AGPS: variants seen among roughly 807,000 people sequenced by gnomAD.
The protein encoded by AGPS is alkyldihydroxyacetonephosphate synthase, peroxisomal.
Under a neutral mutation model 90.7 loss-of-function variants are expected in AGPS, and 26 were observed. The observed-to-expected ratio is 0.29, with a 90% CI of 0.21 to 0.40. The LOEUF is 0.40. Among genes scored for constraint, AGPS ranks in the 10% least tolerant of loss-of-function variants. The pLI is 1.00. For missense variants in AGPS, 540 were observed against 816.1 expected, an observed-to-expected ratio of 0.66 and a Z score of 4.12; for synonymous variants, 294 against 285.3, an observed-to-expected ratio of 1.03 and a Z score of -0.31.
chr2:177,481,168 G>A (rs535550390), intron 10 of AGPS, among the ~76,000 whole-genome samples: 1 of 152,106 alleles, frequency 6.6e-6, no homozygotes, highest in South Asian at 2.1e-4. Context: ...GCAGTTTCAA[G>A]GATTTCTCCC....
At chr2:177,405,712 A>G (rs961206609) in intron 1 of AGPS, among the ~76,000 whole-genome samples, 2 of 135,236 alleles carry the variant, frequency 1.5e-5, no homozygotes, top group Middle Eastern at 3.6e-3. Flanking sequence ...CTTTCTGACC[A>G]TGGTTTTGCT....
chr2:177,515,052 G>T (rs1021258218), intron 17 of AGPS, among the ~76,000 whole-genome samples: 3 of 149,898 alleles, frequency 2.0e-5, no homozygotes, highest in Non-Finnish European at 4.4e-5. Context: ...CGAGATATCT[G>T]AAGGAAAGGC....
chr2:177,400,727 G>T (rs1685308779), intron 1 of AGPS, among the ~76,000 whole-genome samples: 1 of 152,168 alleles, frequency 6.6e-6, no homozygotes, highest in South Asian at 2.1e-4. Context: ...ACCTCAGTGG[G>T]ACTCTCCAAA....
At chr2:177,429,327 G>T (rs1343069948) in intron 2 of AGPS, among the ~76,000 whole-genome samples, 1 of 152,260 alleles carries the variant, frequency 6.6e-6, no homozygotes, top group East Asian at 1.9e-4. Context: ...AACCATCTCA[G>T]CCTTAGCCCA....
intron 10 of AGPS, among the ~76,000 whole-genome samples, chr2:177,473,493 A>G (rs1230370598): frequency 2.0e-5 from 3 of 152,200 alleles, no homozygotes; most frequent in South Asian, 2.1e-4. Context: ...TGGAAAGTGA[A>G]TGACATACAA....
intron 5 of AGPS, among the ~76,000 whole-genome samples, chr2:177,437,672 C>G (rs1686455409): frequency 6.6e-6 from 1 of 152,094 alleles, no homozygotes; most frequent in African/African-American, 2.4e-5. Flanking sequence ...TATATTGTTC[C>G]TTGCTGTCCA....
intron 11 of AGPS, among the ~76,000 whole-genome samples, chr2:177,484,016 T>G (rs1227588641): frequency 1.3e-5 from 2 of 151,506 alleles, no homozygotes; most frequent in African/African-American, 2.4e-5. Flanking sequence ...GGGTGTTTTT[T>G]TTTTTTTTTA....
At chr2:177,419,711 T>A (rs1685891343) in intron 1 of AGPS, among the ~76,000 whole-genome samples, 2 of 151,880 alleles carry the variant, frequency 1.3e-5, no homozygotes, top group African/African-American at 2.4e-5. Flanking sequence ...ACTGTTACAA[T>A]ATGTAGGTCA....
intron 19 of AGPS, among the ~76,000 whole-genome samples, chr2:177,526,480 T>G (rs1475787075): frequency 6.6e-6 from 1 of 152,180 alleles, no homozygotes; most frequent in Non-Finnish European, 1.5e-5. Flanking sequence ...TCCGCCCACC[T>G]CAGCCTCCCA....
chr2:177,410,998 G>A (rs989466284), intron 1 of AGPS, among the ~76,000 whole-genome samples: 1 of 152,130 alleles, frequency 6.6e-6, no homozygotes, highest in Non-Finnish European at 1.5e-5. Context: ...AGCCCTATTA[G>A]GCATTCAACT....
Position 177,497,669 on chromosome 2 carries a change from A to G in AGPS, c.1286-20A>G. The G allele has an allele frequency of 6.9e-7, 1 of 1,446,098 alleles. No individual in the cohort carries two copies. Among genetic ancestry groups the G allele is most frequent in the Non-Finnish European group, 9.5e-7 (1 of 1,054,966 alleles). 89.6% of individuals were successfully genotyped at this position (1,446,098 alleles called of 1,614,324 possible). A position where few individuals can be genotyped will look rare whatever the true frequency, so the allele number is the denominator to read the frequency against. On this transcript the variant is annotated intron_variant, in intron 12 of 19. Transcript: ENST00000264167. ...AAAACATAGACTAACCTATTAATAT[A>G]AACTTTTTTCTCTTCTTAGGTCATG...
At chr2:177,516,820 G>T (rs1391971072) in intron 17 of AGPS, among the ~76,000 whole-genome samples, 1 of 152,062 alleles carries the variant, frequency 6.6e-6, no homozygotes, top group Non-Finnish European at 1.5e-5. Context: ...CACTTTATTT[G>T]AATTTGGTTA....
In AGPS at chr2:177,392,950, G is replaced by C. The variant is rs1281425025; in HGVS notation, c.161G>C (p.Ser54Thr). Residue 54 changes from serine (S) to threonine (T), a missense_variant, in exon 1 of 20, where the codon AGT (serine) becomes ACT (threonine). Around this residue, in one of 2 missense-constraint regions of AGPS, gnomAD observed 135 missense variants for 124.0 expected, o/e 1.09. Transcript: ENST00000264167. ...HLLGRPREAL[S>T]TNECKARRAA... ...CTGGGCCGGCCCCGGGAGGCTCTGA[G>C]TACCAATGAGTGCAAAGCGCGGAGA... 1 of 1,550,128 alleles carries C rather than the reference G, an allele frequency of 6.5e-7. No homozygotes were observed. The highest frequency in any genetic ancestry group is 2.4e-5 in the East Asian group (1 of 40,870).
At chr2:177,442,977 AT>A (rs906214052) in intron 7 of AGPS, among the ~76,000 whole-genome samples, 1 of 151,218 alleles carries the variant, frequency 6.6e-6, no homozygotes, top group Non-Finnish European at 1.5e-5. Context: ...CCAAATTTGA[AT>A]TTTTTTTTCA....
intron 1 of AGPS, among the ~76,000 whole-genome samples, chr2:177,405,248 G>A (rs1020813021): frequency 6.6e-6 from 1 of 152,230 alleles, no homozygotes; most frequent in African/African-American, 2.4e-5. Context: ...TCCAGTCCTG[G>A]GTTACATGTT....
intron 19 of AGPS, among the ~76,000 whole-genome samples, chr2:177,533,317 G>T (rs1381466027): frequency 6.6e-6 from 1 of 152,168 alleles, no homozygotes; most frequent in East Asian, 1.9e-4. Flanking sequence ...CTGTAGCATA[G>T]GTTAAACAGA....
At chr2:177,488,639 T>G (rs987020232) in intron 11 of AGPS, among the ~76,000 whole-genome samples, 6 of 152,222 alleles carry the variant, frequency 3.9e-5, no homozygotes, top group African/African-American at 1.4e-4. Context: ...TAATTTTTTG[T>G]GCCCAAATTT....
At chr2:177,434,193 G>T (rs78131839) in intron 2 of AGPS, 134 bp from the exon 3 acceptor site, 3 of 666,894 alleles carry the variant, frequency 4.5e-6, no homozygotes, top group Admixed American at 5.7e-5. Context: ...TTTTGTTTTC[G>T]TTCAGAGTTT....
chr2:177,440,360 A>G (rs1182325862), intron 5 of AGPS, among the ~76,000 whole-genome samples: 3 of 152,136 alleles, frequency 2.0e-5, no homozygotes, highest in African/African-American at 7.2e-5. Flanking sequence ...GATGTAATGC[A>G]CTGACAAAGA....
Sources: allele counts gnomAD v4.1 joint callset (sites outside exome capture counted in the v4.1 genomes callset), GRCh38; gene constraint gnomAD v4.1.1; regional missense constraint gnomAD v4.1.1; transcripts MANE v1.5; gene names NCBI Gene and HGNC (gene_info 2026-07-23, HGNC 2026-07-21).